The following TRHDE variants were observed in gnomAD, a reference collection of about 807,000 sequenced individuals.
TRHDE encodes thyrotropin releasing hormone degrading enzyme.
Under a neutral mutation model 125.7 loss-of-function variants are expected in TRHDE, and 72 were observed. That is an observed-to-expected ratio of 0.57 (90% CI 0.47 to 0.70). TRHDE has a LOEUF of 0.70. TRHDE is among the 30% of genes least tolerant of loss of function. TRHDE has a pLI of 0.00. For missense variants in TRHDE, 1,110 were observed against 1,327.1 expected (o/e 0.84, Z 2.54); for synonymous variants, 509 against 509.1 (o/e 1.00, Z 0.00).
Position 72,554,036 on chromosome 12 carries a change from T to C in TRHDE, c.1789-8129T>C, listed in dbSNP as rs140156244. Among the ~76,000 whole-genome samples the C allele has an allele frequency of 2.2e-3, 335 of 151,862 alleles. 2 individuals are homozygous for C. The highest frequency in any genetic ancestry group is 7.6e-3 in the African/African-American group (313 of 41,430). ...CTAATTTTTGTATTTTTAGTAGAGATGGGGTTTCACCACGTTGGCCAGGCT... is the reference window on the plus strand; with the variant it reads ...CTAATTTTTGTATTTTTAGTAGAGACGGGGTTTCACCACGTTGGCCAGGCT... On this transcript the variant is annotated intron_variant, in intron 7 of 18. Coordinates refer to ENST00000261180, the MANE Select transcript of TRHDE (RefSeq NM_013381.3).
At chr12:72,263,705 T>G (rs1879003952) in intron 2 of TRHDE, 1 of 152,010 alleles carries the variant, frequency 6.6e-6, no homozygotes, top group Non-Finnish European at 1.5e-5. Flanking sequence ...GGAGTTAAAT[T>G]CTAGGGTTTC....
chr12:72,226,977 C>T lies in TRHDE; in HGVS notation n.279+121225C>T, dbSNP rs74103647. Among the ~76,000 whole-genome samples the T allele has an allele frequency of 4.8e-3, 728 of 152,198 alleles. 5 individuals are homozygous for T. Among genetic ancestry groups the T allele is most frequent in the African/African-American group, 0.016 (664 of 41,524 alleles). On this transcript the variant is annotated intron_variant and non_coding_transcript_variant, in intron 2 of 4. Coordinates refer to the TRHDE transcript ENST00000548156. ...AAGCACCTTTGGTTTAAATAAAGCA[C>T]CCTTAGTTGCCAGGAAAATTTCCCA...
chr12:72,292,530 A>G lies in TRHDE; in HGVS notation c.1188+5576A>G, dbSNP rs578035909. ...GTTTTGCCTGGAAATCTCCATAGCT[A>G]GAAAATATAGTTCAGTAGTTATATT... is the stretch of plus-strand genomic sequence containing the variant. On this transcript the variant is annotated intron_variant, in intron 2 of 18. Coordinates refer to ENST00000261180, the MANE Select transcript of TRHDE (RefSeq NM_013381.3). Among the ~76,000 whole-genome samples the G allele has an allele frequency of 3.9e-5, 6 of 152,330 alleles. 1 individual carries two copies. The highest frequency in any genetic ancestry group is 3.9e-4 in the Admixed American group (6 of 15,298).
intron 15 of TRHDE, among the ~76,000 whole-genome samples, chr12:72,628,041 G>A (rs1873333475): frequency 2.0e-5 from 3 of 151,748 alleles, no homozygotes. Flanking sequence ...ACCAGTATTA[G>A]TTCAAACTCT....
chr12:72,598,148 C>T (rs1464023681), intron 12 of TRHDE, among the ~76,000 whole-genome samples: 1 of 152,010 alleles, frequency 6.6e-6, no homozygotes, highest in Non-Finnish European at 1.5e-5. Context: ...ACTAACAGAG[C>T]TAACATCAGT....
chr12:72,169,549 T>C (rs1387388830), intron 2 of TRHDE, among the ~76,000 whole-genome samples: 2 of 152,084 alleles, frequency 1.3e-5, no homozygotes, highest in East Asian at 3.9e-4. Context: ...TGTCTCTTCC[T>C]CTTCTTATAA....
chr12:72,576,098 C>T (rs554985441), intron 12 of TRHDE, among the ~76,000 whole-genome samples: 5 of 152,016 alleles, frequency 3.3e-5, no homozygotes, highest in South Asian at 2.1e-4. Context: ...TTAGTTATTC[C>T]TTTGAATAGT....
chr12:72,200,564 G>C (rs1227143044), intron 2 of TRHDE, among the ~76,000 whole-genome samples: 1 of 152,034 alleles, frequency 6.6e-6, no homozygotes, highest in Non-Finnish European at 1.5e-5. Flanking sequence ...ATTGACTGTT[G>C]GGAAACAAAT....
At chr12:72,478,065 C>G (rs1429594422) in intron 5 of TRHDE, among the ~76,000 whole-genome samples, 2 of 152,102 alleles carry the variant, frequency 1.3e-5, no homozygotes, top group Non-Finnish European at 2.9e-5. Flanking sequence ...GGACACATAC[C>G]TGGGCATAAA....
chr12:72,341,632 G>C (rs184610195), intron 2 of TRHDE, among the ~76,000 whole-genome samples: 8 of 152,170 alleles, frequency 5.3e-5, no homozygotes, highest in Non-Finnish European at 1.0e-4. Flanking sequence ...TGGATGAATT[G>C]AAAGGAGTTA....
intron 15 of TRHDE, among the ~76,000 whole-genome samples, chr12:72,649,967 A>G (rs950088960): frequency 2.6e-5 from 4 of 152,182 alleles, no homozygotes; most frequent in African/African-American, 9.6e-5. Context: ...GGTAAACAGT[A>G]TGGAATGTTC....
chr12:72,313,368 T>C (rs1868640948), intron 2 of TRHDE, among the ~76,000 whole-genome samples: 1 of 152,064 alleles, frequency 6.6e-6, no homozygotes, highest in African/African-American at 2.4e-5. Context: ...TCTATTTAAA[T>C]TAAAACATTC....
intron 2 of TRHDE, among the ~76,000 whole-genome samples, chr12:72,160,563 C>T (rs1876614563): frequency 2.0e-5 from 3 of 152,052 alleles, no homozygotes; most frequent in African/African-American, 7.2e-5. Flanking sequence ...GTGGAGGGCA[C>T]CTGTAATCCC....
rs931785421 is a variant in TRHDE at position 72,273,252 on chromosome 12, G to A, written c.609G>A (p.Met203Ile). The A allele has an allele frequency of 6.2e-7, 1 of 1,614,010 alleles. No individual in the cohort carries two copies. Among genetic ancestry groups the A allele is most frequent in the African/African-American group, 1.3e-5 (1 of 75,060 alleles). Residue 203 changes from methionine (M) to isoleucine (I), a missense_variant, in exon 1 of 19, where the codon ATG becomes ATA. Transcript: ENST00000261180. The surrounding 1 kb of genome is among the most constrained non-coding windows in gnomAD (Gnocchi z 5.3). Reference protein sequence around the residue: ...LHYNLMLTAFMENFTFSGEVN... With the variant: ...LHYNLMLTAFIENFTFSGEVN... The stretch of plus-strand genomic sequence containing the variant: ...ACAATCTGATGCTCACCGCCTTCAT[G>A]GAGAACTTCACCTTCTCCGGGGAGG...
chr12:72,494,521 A>G (rs1354096547), intron 5 of TRHDE, among the ~76,000 whole-genome samples: 1 of 151,922 alleles, frequency 6.6e-6, no homozygotes, highest in Non-Finnish European at 1.5e-5. Flanking sequence ...ACAAAGTCAA[A>G]GTATCTGCCT....
At chr12:72,161,621 C>T (rs1441572124) in intron 2 of TRHDE, among the ~76,000 whole-genome samples, 1 of 151,806 alleles carries the variant, frequency 6.6e-6, no homozygotes. Flanking sequence ...GCTTTTTTTT[C>T]TGGGTTATCT....
chr12:72,309,559 A>C (rs1017174176), intron 2 of TRHDE: 10 of 152,134 alleles, frequency 6.6e-5, no homozygotes, highest in African/African-American at 2.4e-4. Context: ...GCAGATAAGA[A>C]GTATATTACT....
intron 15 of TRHDE, among the ~76,000 whole-genome samples, chr12:72,633,269 T>C (rs1220723192): frequency 6.6e-6 from 1 of 152,072 alleles, no homozygotes; most frequent in African/African-American, 2.4e-5. Flanking sequence ...CAAGTCTCTT[T>C]CTTTTCATAT....
intron 7 of TRHDE, among the ~76,000 whole-genome samples, chr12:72,548,139 C>T (rs1360640444): frequency 1.3e-5 from 2 of 151,712 alleles, no homozygotes; most frequent in African/African-American, 2.4e-5. Context: ...TCCTCTCTTC[C>T]TCTTGGACAG....
Sources: gnomAD v4.1 joint callset for allele counts (sites outside exome capture counted in the v4.1 genomes callset) on GRCh38, gnomAD v4.1.1 for gene constraint, Gnocchi (gnomAD v3.1) non-coding constraint, MANE v1.5 for transcripts, NCBI Gene and HGNC (gene_info 2026-07-23, HGNC 2026-07-21) for gene names.